The following PGR variants were observed in gnomAD, a reference collection of about 807,000 sequenced individuals.
PGR encodes the protein nuclear receptor subfamily 3 group C member 3.
A neutral mutation model predicts 76.1 loss-of-function variants in PGR; 25 were observed. The ratio of observed to expected loss-of-function variants is 0.33; its 90% CI spans 0.24 to 0.46. The LOEUF is 0.46. Among genes scored for constraint, PGR ranks in the 20% least tolerant of loss-of-function variants. The probability of loss-of-function intolerance (pLI) is 1.00; values close to 1 mark genes in which losing one functional copy is unlikely to be tolerated. For synonymous variants in PGR, 579 were observed against 535.0 expected, an observed-to-expected ratio of 1.08 and a Z score of -1.14; for missense variants, 1,172 against 1,225.3, an observed-to-expected ratio of 0.96 and a Z score of 0.65.
chr11:101,112,466 C>T (rs1282004844), intron 2 of PGR, among the ~76,000 whole-genome samples: 1 of 151,962 alleles, frequency 6.6e-6, no homozygotes, highest in Non-Finnish European at 1.5e-5. Context: ...GCTCTGGTAA[C>T]CCCAGAAAAA....
intron 2 of PGR, among the ~76,000 whole-genome samples, chr11:101,092,481 GA>G (rs1238852966): frequency 1.3e-5 from 2 of 152,098 alleles, no homozygotes; most frequent in Admixed American, 6.5e-5. Context: ...ACCTTGAACA[GA>G]AATAATGATA....
chr11:101,090,774 T>A (rs1565353476), intron 3 of PGR, among the ~76,000 whole-genome samples: 1 of 152,216 alleles, frequency 6.6e-6, no homozygotes, highest in Non-Finnish European at 1.5e-5. Flanking sequence ...TCTAATTACA[T>A]GAATTACTGT....
chr11:101,121,639 T>C (rs188857136), intron 2 of PGR, among the ~76,000 whole-genome samples: 184 of 152,328 alleles, frequency 1.2e-3, no homozygotes, highest in African/African-American at 4.2e-3. Context: ...TGTCCAAACA[T>C]TGCATAAACG....
At position 101,088,605 on chromosome 11, in the gene PGR, T is replaced by C. The variant is rs374679168; in HGVS notation, c.1906+3155A>G. On this transcript the variant is annotated intron_variant, in intron 3 of 7. Transcript: ENST00000325455. The stretch of plus-strand genomic sequence containing the variant: ...CGTTGGCCTCCCAAAGTGCTGGGAT[T>C]ACAGGCATGAGCCACCGCTCCCGGC... Among the ~76,000 whole-genome samples the C allele has an allele frequency of 1.7e-4, 26 of 152,300 alleles. 1 individual carries two copies. The highest frequency in any genetic ancestry group is 5.5e-4 in the African/African-American group (23 of 41,564).
At chr11:101,064,202 G>A (rs769554384) in intron 3 of PGR, among the ~76,000 whole-genome samples, 1 of 151,074 alleles carries the variant, frequency 6.6e-6, no homozygotes, top group African/African-American at 2.4e-5. Context: ...GTGGTGGTGG[G>A]CACCTGTAAT....
intron 3 of PGR, among the ~76,000 whole-genome samples, chr11:101,064,200 G>A (rs531458875): frequency 5.8e-4 from 88 of 151,102 alleles, no homozygotes; most frequent in African/African-American, 2.0e-3. Context: ...GTGTGGTGGT[G>A]GGCACCTGTA....
intron 6 of PGR, among the ~76,000 whole-genome samples, chr11:101,047,446 A>T (rs1859929883): frequency 6.6e-6 from 1 of 152,142 alleles, no homozygotes; most frequent in Non-Finnish European, 1.5e-5. Context: ...TGTTCAATTG[A>T]TGCTCTGTCA....
chr11:101,117,694 A>T (rs1591430126), intron 2 of PGR, among the ~76,000 whole-genome samples: 1 of 87,016 alleles, frequency 1.1e-5, no homozygotes, highest in Non-Finnish European at 3.4e-5. Context: ...TTATTATATT[A>T]AAAAAACTAT....
chr11:101,033,159 TA>T lies in PGR; in HGVS notation c.*5956del, dbSNP rs1156432672. 2 of 209,292 alleles carry T rather than the reference TA, an allele frequency of 9.6e-6. No homozygotes were observed. The highest frequency in any genetic ancestry group is 1.9e-5 in the Non-Finnish European group (2 of 102,894). 13.0% of individuals were successfully genotyped at this position (209,292 alleles called of 1,614,324 possible). A position where few individuals can be genotyped will look rare whatever the true frequency, so the allele number is the denominator to read the frequency against. On this transcript the variant is annotated 3_prime_UTR_variant, in exon 8 of 8. Coordinates refer to ENST00000325455, the MANE Select transcript of PGR (RefSeq NM_000926.4). ...ACAGAATACTAAGATCAAAAGGAGATACTTTACTGGCTAAAGTGAAGAATTC... is the reference window on the plus strand; with the variant it reads ...ACAGAATACTAAGATCAAAAGGAGATCTTTACTGGCTAAAGTGAAGAATTC...
intron 3 of PGR, among the ~76,000 whole-genome samples, chr11:101,066,818 C>A (rs1450149272): frequency 6.6e-6 from 1 of 152,116 alleles, no homozygotes; most frequent in South Asian, 2.1e-4. Flanking sequence ...GAAAATATAA[C>A]CCAAATCCAA....
At chr11:101,114,558 T>C (rs1862441965) in intron 2 of PGR, among the ~76,000 whole-genome samples, 1 of 152,228 alleles carries the variant, frequency 6.6e-6, no homozygotes, top group African/African-American at 2.4e-5. Flanking sequence ...CTTCAAGCTA[T>C]CTAATCTCTG....
intron 7 of PGR, among the ~76,000 whole-genome samples, chr11:101,041,035 T>C (rs1192330532): frequency 1.6e-5 from 2 of 127,856 alleles, no homozygotes; most frequent in Non-Finnish European, 3.8e-5. Flanking sequence ...ATTTTCTTGC[T>C]AAATGTCTGT....
chr11:101,106,914 A>G (rs1434582079), intron 2 of PGR, among the ~76,000 whole-genome samples: 1 of 152,228 alleles, frequency 6.6e-6, no homozygotes. Context: ...TGTTCTTCGC[A>G]GGGACATGGA....
At chr11:101,105,574 G>A (rs1337072620) in intron 2 of PGR, among the ~76,000 whole-genome samples, 3 of 149,370 alleles carry the variant, frequency 2.0e-5, no homozygotes, top group Non-Finnish European at 4.4e-5. Context: ...AAGAAAATCA[G>A]AGAGGACACA....
chr11:101,041,723 C>A (rs149561048), intron 7 of PGR: 1 of 507,192 alleles, frequency 2.0e-6, no homozygotes. Context: ...TATTAAATTA[C>A]CCTCACATTA....
chr11:101,039,964 C>G (rs1009082311), intron 7 of PGR, among the ~76,000 whole-genome samples: 1 of 152,056 alleles, frequency 6.6e-6, no homozygotes, highest in African/African-American at 2.4e-5. Context: ...CTCTCTTATA[C>G]TAGACACTCT....
intron 4 of PGR, among the ~76,000 whole-genome samples, chr11:101,059,377 T>G (rs1403929351): frequency 1.3e-5 from 2 of 152,026 alleles, no homozygotes; most frequent in African/African-American, 4.8e-5. Context: ...TCTTGTTCAT[T>G]AAAAAAATTC....
chr11:101,085,525 T>TAAAAAATAAAAA (rs1861465034), intron 3 of PGR, among the ~76,000 whole-genome samples: 1 of 42,276 alleles, frequency 2.4e-5, no homozygotes, highest in Non-Finnish European at 3.9e-5. Flanking sequence ...CTAGAGGAAC[T>TAAAAAATAAAAA]AAAAAAAAAA....
intron 2 of PGR, among the ~76,000 whole-genome samples, chr11:101,094,255 T>G (rs1041828542): frequency 1.3e-5 from 2 of 152,220 alleles, no homozygotes; most frequent in African/African-American, 4.8e-5. Context: ...CTTCCTTTAT[T>G]CCTATGTGGT....
Sources: allele counts gnomAD v4.1 joint callset (sites outside exome capture counted in the v4.1 genomes callset), GRCh38; gene constraint gnomAD v4.1.1; transcripts MANE v1.5; gene names NCBI Gene and HGNC (gene_info 2026-07-23, HGNC 2026-07-21).